Variants in TJP1 observed in about 807,000 individuals in gnomAD.
TJP1 encodes the protein tight junction protein 1.
Under a neutral mutation model 194.2 loss-of-function variants are expected in TJP1, and 43 were observed. The observed-to-expected ratio is 0.22, with a 90% CI of 0.17 to 0.29. The LOEUF is 0.29. Ranked by LOEUF, TJP1 falls within the 10% of genes least tolerant of loss-of-function variation. The pLI is 1.00. For missense variants in TJP1, 1,971 were observed against 2,185.7 expected (o/e 0.90, Z 1.96); for synonymous variants, 801 against 779.0 (o/e 1.03, Z -0.47).
chr15:29,951,826 C>A (rs2055763132), intron 2 of TJP1, among the ~76,000 whole-genome samples: 1 of 152,154 alleles, frequency 6.6e-6, no homozygotes, highest in Non-Finnish European at 1.5e-5. Context: ...AGATAAGCAG[C>A]AATCTAGATT....
chr15:29,964,955 C>T (rs558738074), intron 1 of TJP1, among the ~76,000 whole-genome samples: 46 of 152,216 alleles, frequency 3.0e-4, no homozygotes, highest in African/African-American at 9.4e-4. Flanking sequence ...ATTCTCCTTA[C>T]GAGATTTGTA....
intron 25 of TJP1, among the ~76,000 whole-genome samples, chr15:29,708,120 C>A (rs2042010668): frequency 6.6e-6 from 1 of 150,560 alleles, no homozygotes; most frequent in Admixed American, 6.6e-5. Flanking sequence ...TGCCTGAACC[C>A]AGGGGGTGGA....
chr15:29,951,167 T>C (rs2055736437), intron 2 of TJP1, among the ~76,000 whole-genome samples: 1 of 152,168 alleles, frequency 6.6e-6, no homozygotes. Flanking sequence ...ATACTCTTTT[T>C]TTCTTTTCCT....
intron 20 of TJP1, 152 bp downstream of exon 20, chr15:29,719,625 G>A (rs937190750): frequency 1.8e-5 from 18 of 1,010,508 alleles, no homozygotes; most frequent in African/African-American, 1.5e-4. Flanking sequence ...TGCAAACTAC[G>A]AAACTGAAAT....
At chr15:29,931,220 A>G (rs2054700781) in intron 2 of TJP1, among the ~76,000 whole-genome samples, 1 of 152,208 alleles carries the variant, frequency 6.6e-6, no homozygotes, top group Non-Finnish European at 1.5e-5. Flanking sequence ...AAAGGTCTTC[A>G]TTCTTGTTGA....
chr15:29,711,368 C>A (rs968345873), intron 23 of TJP1, among the ~76,000 whole-genome samples: 1 of 152,046 alleles, frequency 6.6e-6, no homozygotes, highest in Non-Finnish European at 1.5e-5. Context: ...TCCTGAGACC[C>A]ACTTTTTTTG....
chr15:29,762,506 A>G (rs770284897), intron 5 of TJP1, 68 bp from the exon 6 acceptor site: 1 of 1,125,570 alleles, frequency 8.9e-7, no homozygotes, highest in Non-Finnish European at 1.3e-6. Context: ...TTACAAGTAT[A>G]CAACTAAACT....
At chr15:29,899,561 C>T (rs2053575960) in intron 2 of TJP1, among the ~76,000 whole-genome samples, 1 of 152,166 alleles carries the variant, frequency 6.6e-6, no homozygotes, top group African/African-American at 2.4e-5. Context: ...AGGCCTGTCT[C>T]ACCAGGTGTG....
chr15:29,925,641 G>A (rs2054502553), intron 2 of TJP1, among the ~76,000 whole-genome samples: 1 of 152,108 alleles, frequency 6.6e-6, no homozygotes, highest in African/African-American at 2.4e-5. Context: ...GTTCTTAAAG[G>A]TATGTGTCAC....
chr15:29,805,232 T>C (rs909581347), intron 1 of TJP1, among the ~76,000 whole-genome samples: 4 of 152,192 alleles, frequency 2.6e-5, no homozygotes, highest in Non-Finnish European at 4.4e-5. Flanking sequence ...TTCTTTGTTC[T>C]AAGCTCCAGC....
At chr15:29,926,616 A>G (rs868119821) in intron 2 of TJP1, among the ~76,000 whole-genome samples, 1,885 of 130,240 alleles carry the variant, frequency 0.014, 35 homozygotes, top group African/African-American at 0.061. Flanking sequence ...CCATTTCAGA[A>G]AAAAAAAAAA....
At chr15:29,913,847 G>C (rs4779673) in intron 2 of TJP1, among the ~76,000 whole-genome samples, 24,660 of 152,122 alleles carry the variant, frequency 0.16, 2,283 homozygotes, top group East Asian at 0.32. Flanking sequence ...ACTCTTAGCT[G>C]GAGATTTTCT....
At chr15:29,775,402 G>A (rs1158471508) in intron 2 of TJP1, among the ~76,000 whole-genome samples, 1 of 151,902 alleles carries the variant, frequency 6.6e-6, no homozygotes, top group East Asian at 1.9e-4. Flanking sequence ...AATTGTGAAG[G>A]AAAACAAAAT....
chr15:29,938,532 C>A lies in TJP1; in HGVS notation c.306+17700G>T, dbSNP rs146582350. ...GTAAACAAGAAAAAAAGCTTGACTT[C>A]TTTCTGACAGCACGGAAGTCCTTAT... On this transcript the variant is annotated intron_variant, in intron 2 of 28. Transcript: ENST00000356107. Among the ~76,000 whole-genome samples, 4 of 152,294 alleles carry A rather than the reference C, an allele frequency of 2.6e-5. No individual in the cohort carries two copies. In the East Asian group the frequency reaches 7.7e-4, roughly 29 times the overall value.
chr15:29,773,516 T>C (rs1224272533), intron 2 of TJP1, among the ~76,000 whole-genome samples, 159 bp from the exon 3 acceptor site: 1 of 152,242 alleles, frequency 6.6e-6, no homozygotes, highest in Admixed American at 6.5e-5. Context: ...GAATTATCCT[T>C]GTACAAGAAT....
chr15:29,947,120 T>C (rs1177276829), intron 2 of TJP1, among the ~76,000 whole-genome samples: 1 of 152,200 alleles, frequency 6.6e-6, no homozygotes, highest in Non-Finnish European at 1.5e-5. Context: ...TAAATCTAAA[T>C]CATGCAACAT....
At chr15:29,895,415 T>C (rs921566928) in intron 2 of TJP1, among the ~76,000 whole-genome samples, 3 of 152,244 alleles carry the variant, frequency 2.0e-5, no homozygotes, top group African/African-American at 2.4e-5. Flanking sequence ...TTCCACAAAA[T>C]GTGAGGACCC....
chr15:29,904,959 AG>A (rs2053759325), intron 2 of TJP1, among the ~76,000 whole-genome samples: 1 of 152,248 alleles, frequency 6.6e-6, no homozygotes, highest in African/African-American at 2.4e-5. Flanking sequence ...GCCAGAAACT[AG>A]GAAGAGGCAA....
At chr15:29,712,408 A>G (rs2042296674) in intron 23 of TJP1, among the ~76,000 whole-genome samples, 2 of 152,228 alleles carry the variant, frequency 1.3e-5, no homozygotes, top group Admixed American at 1.3e-4. Flanking sequence ...AGAGCCAAGA[A>G]ATCTAGGTGA....
Sources: gnomAD v4.1 joint callset for allele counts (sites outside exome capture counted in the v4.1 genomes callset) on GRCh38, gnomAD v4.1.1 for gene constraint, MANE v1.5 for transcripts, NCBI Gene and HGNC (gene_info 2026-07-23, HGNC 2026-07-21) for gene names.